The following ATXN7L1 variants were observed in gnomAD, a reference collection of about 807,000 sequenced individuals.
The protein encoded by ATXN7L1 is ataxin-7-like protein 1.
Under a neutral mutation model 70.8 loss-of-function variants are expected in ATXN7L1, and 15 were observed. The observed-to-expected ratio is 0.21, with a 90% confidence interval of 0.14 to 0.33. The LOEUF (loss-of-function observed/expected upper bound fraction) is 0.33, where lower values mean the gene tolerates loss of function less well. Ranked by LOEUF, ATXN7L1 falls within the 10% of genes least tolerant of loss-of-function variation. The pLI, the probability that ATXN7L1 is intolerant of heterozygous loss-of-function variation, is 1.00. For missense variants in ATXN7L1, 975 were observed against 1,097.1 expected (o/e 0.89, Z 1.57); for synonymous variants, 440 against 445.1 (o/e 0.99, Z 0.14).
chr7:105,838,929 A>T (rs902703678), intron 2 of ATXN7L1, among the ~76,000 whole-genome samples: 1 of 152,206 alleles, frequency 6.6e-6, no homozygotes, highest in Non-Finnish European at 1.5e-5. Flanking sequence ...CTCCCAACAG[A>T]AAAGCAAAGG....
At chr7:105,803,604 A>T (rs950695955) in intron 2 of ATXN7L1, among the ~76,000 whole-genome samples, 3 of 152,188 alleles carry the variant, frequency 2.0e-5, no homozygotes, top group African/African-American at 7.2e-5. Flanking sequence ...CTAACTGTGC[A>T]TTGGAATCTT....
chr7:105,625,765 A>G (rs1175900388), intron 7 of ATXN7L1, among the ~76,000 whole-genome samples: 1 of 152,252 alleles, frequency 6.6e-6, no homozygotes, highest in Non-Finnish European at 1.5e-5. Context: ...GTAAAAAACA[A>G]AACAACACAA....
At chr7:105,849,836 C>G (rs554685515) in intron 2 of ATXN7L1, among the ~76,000 whole-genome samples, 2 of 152,360 alleles carry the variant, frequency 1.3e-5, no homozygotes, top group East Asian at 3.9e-4. Context: ...AACAGAGTTG[C>G]CCTGATGGGC....
rs146161701 is a variant in ATXN7L1, at chr7:105,747,096, C to T, written c.355+41508G>A. On this transcript the variant is annotated intron_variant, in intron 3 of 11. Coordinates refer to ENST00000419735, the MANE Select transcript of ATXN7L1 (RefSeq NM_020725.2). ...ATTCAATTCTTAAAATCCTTAGAAG[C>T]GCCAAAATGATGTCTTTTGCACGCT... Among the ~76,000 whole-genome samples the T allele has an allele frequency of 4.6e-3, 700 of 152,298 alleles. 2 individuals carry two copies. Among genetic ancestry groups the T allele is most frequent in the Admixed American group, 9.1e-3 (139 of 15,294 alleles).
intron 4 of ATXN7L1, among the ~76,000 whole-genome samples, chr7:105,656,057 G>A (rs1324895959): frequency 1.3e-5 from 2 of 152,256 alleles, no homozygotes; most frequent in Non-Finnish European, 1.5e-5. Context: ...TCCAGGGGAG[G>A]AAATCCTCCT....
chr7:105,771,782 A>C (rs1802045478), intron 3 of ATXN7L1, among the ~76,000 whole-genome samples: 2 of 152,170 alleles, frequency 1.3e-5, no homozygotes, highest in South Asian at 4.1e-4. Flanking sequence ...TTAAAAACTA[A>C]AGTTCTGTAT....
At chr7:105,842,582 A>G (rs1813386468) in intron 2 of ATXN7L1, among the ~76,000 whole-genome samples, 1 of 152,208 alleles carries the variant, frequency 6.6e-6, no homozygotes, top group Admixed American at 6.5e-5. Flanking sequence ...ATTGTAGGAT[A>G]TACTACATTC....
At chr7:105,726,524 G>A (rs1176901799) in intron 3 of ATXN7L1, among the ~76,000 whole-genome samples, 1 of 152,124 alleles carries the variant, frequency 6.6e-6, no homozygotes, top group East Asian at 1.9e-4. Flanking sequence ...CTTCCCCTCT[G>A]TCTCCTTAGT....
At chr7:105,625,717 T>C (rs1272253308) in intron 7 of ATXN7L1, among the ~76,000 whole-genome samples, 3 of 152,168 alleles carry the variant, frequency 2.0e-5, no homozygotes, top group African/African-American at 7.2e-5. Context: ...AAAAAAGCAA[T>C]GTCACAATAA....
At chr7:105,671,378 A>G (rs1023976064) in intron 3 of ATXN7L1, among the ~76,000 whole-genome samples, 3 of 152,152 alleles carry the variant, frequency 2.0e-5, no homozygotes, top group Non-Finnish European at 2.9e-5. Flanking sequence ...AGCTCTTGCT[A>G]CACATTTCTT....
chr7:105,698,804 C>T (rs1161212729), intron 3 of ATXN7L1, among the ~76,000 whole-genome samples: 1 of 152,214 alleles, frequency 6.6e-6, no homozygotes, highest in Admixed American at 6.5e-5. Context: ...TCCCTGAGGG[C>T]AGGTTCTGAG....
intron 4 of ATXN7L1, among the ~76,000 whole-genome samples, chr7:105,645,168 A>G (rs1446486392): frequency 6.6e-6 from 1 of 152,176 alleles, no homozygotes; most frequent in Non-Finnish European, 1.5e-5. Context: ...TGGAAAAAAA[A>G]GTTCTGGAGA....
intron 3 of ATXN7L1, chr7:105,760,383 T>C (rs1223307244): frequency 1.0e-6 from 1 of 954,822 alleles, no homozygotes; most frequent in East Asian, 1.2e-4. Context: ...TCTGAGAGGA[T>C]CTGCAATTTA....
At chr7:105,646,939 G>C (rs990300796) in intron 4 of ATXN7L1, among the ~76,000 whole-genome samples, 1 of 150,534 alleles carries the variant, frequency 6.6e-6, no homozygotes, top group East Asian at 2.1e-4. Context: ...GTGAGACCCT[G>C]TCTTGGAAAA....
At chr7:105,733,841 CCCAT>C (rs74665862) in intron 3 of ATXN7L1, among the ~76,000 whole-genome samples, 17,317 of 52,572 alleles carry the variant, frequency 0.33, 3,839 homozygotes, top group East Asian at 0.74. Context: ...CATCCGTCCA[CCCAT>C]CCATCCATCC....
chr7:105,831,417 CTG>C (rs1007914759), intron 2 of ATXN7L1, among the ~76,000 whole-genome samples: 16 of 152,192 alleles, frequency 1.1e-4, no homozygotes, highest in African/African-American at 3.4e-4. Context: ...ATTTCCAACT[CTG>C]TGGGCTGAGC....
At chr7:105,874,123 CA>C (rs766696244) in intron 2 of ATXN7L1, among the ~76,000 whole-genome samples, 1,012 of 71,968 alleles carry the variant, frequency 0.014, 5 homozygotes, top group East Asian at 0.073. Context: ...GAATCCGTAT[CA>C]AAAAAAAAAA....
intron 2 of ATXN7L1, among the ~76,000 whole-genome samples, chr7:105,871,985 A>G (rs1439094077): frequency 1.3e-5 from 2 of 151,924 alleles, no homozygotes; most frequent in Non-Finnish European, 2.9e-5. Flanking sequence ...TAGAGGTAGA[A>G]ACCAAAATAA....
At chr7:105,738,404 C>A (rs1302446068) in intron 3 of ATXN7L1, among the ~76,000 whole-genome samples, 1 of 152,224 alleles carries the variant, frequency 6.6e-6, no homozygotes, top group East Asian at 1.9e-4. Context: ...ATGAATACTT[C>A]AAGGTCTAGC....
Sources: gnomAD v4.1 joint callset for allele counts (sites outside exome capture counted in the v4.1 genomes callset) on GRCh38, gnomAD v4.1.1 for gene constraint, MANE v1.5 for transcripts, NCBI Gene and HGNC (gene_info 2026-07-23, HGNC 2026-07-21) for gene names.